Variants in F13A1 observed in about 807,000 individuals in gnomAD.
The protein encoded by F13A1 is FSF, A subunit.
A neutral mutation model predicts 80.1 loss-of-function variants in F13A1; 47 were observed. That is an observed-to-expected ratio of 0.59 (90% CI 0.46 to 0.75). The LOEUF (loss-of-function observed/expected upper bound fraction) is 0.75. F13A1 is among the 30% of genes least tolerant of loss of function. F13A1 has a pLI of 0.00. For synonymous variants in F13A1, 349 were observed against 344.9 expected (o/e 1.01, Z -0.13); for missense variants, 817 against 930.4 (o/e 0.88, Z 1.59).
At chr6:6,166,465 T>C (rs1268150175) in intron 13 of F13A1, among the ~76,000 whole-genome samples, 1 of 152,254 alleles carries the variant, frequency 6.6e-6, no homozygotes, top group Admixed American at 6.5e-5. Context: ...TCTACCACTT[T>C]AGAGCAATGT....
chr6:6,254,464 C>T (rs1757677959), intron 4 of F13A1, among the ~76,000 whole-genome samples: 1 of 152,070 alleles, frequency 6.6e-6, no homozygotes, highest in South Asian at 2.1e-4. Flanking sequence ...GATGCAGGTA[C>T]TGATATAGAA....
At chr6:6,149,064 C>T (rs2151067588) in intron 14 of F13A1, among the ~76,000 whole-genome samples, 1 of 151,306 alleles carries the variant, frequency 6.6e-6, no homozygotes, top group South Asian at 2.1e-4. Context: ...AGGAGGAGAA[C>T]ATGAAGGGGA....
intron 6 of F13A1, among the ~76,000 whole-genome samples, chr6:6,230,698 TGCCACCTCCACCGG>T (rs1228075459): frequency 6.6e-6 from 1 of 152,140 alleles, no homozygotes; most frequent in East Asian, 1.9e-4. Context: ...TTGTACCCCC[TGCCACCTCCACCGG>T]AATAGGCGCT....
At chr6:6,313,179 TATC>T (rs1469756157) in intron 2 of F13A1, among the ~76,000 whole-genome samples, 3 of 152,276 alleles carry the variant, frequency 2.0e-5, no homozygotes, top group Admixed American at 1.3e-4. Flanking sequence ...GAAAAAGTCT[TATC>T]ATCATCCAGA....
At chr6:6,282,404 TATTTA>T (rs1357865011) in intron 3 of F13A1, among the ~76,000 whole-genome samples, 1 of 152,242 alleles carries the variant, frequency 6.6e-6, no homozygotes. Flanking sequence ...TTAAGTAACC[TATTTA>T]ATTAAAAGAG....
chr6:6,178,057 T>C (rs776914324), intron 11 of F13A1, among the ~76,000 whole-genome samples: 1 of 41,122 alleles, frequency 2.4e-5, no homozygotes, highest in Admixed American at 2.4e-4. Context: ...GGGGGGGGGG[T>C]GGGGCTTTTA....
chr6:6,248,732 T>C (rs1186199193), intron 5 of F13A1, among the ~76,000 whole-genome samples: 2 of 152,218 alleles, frequency 1.3e-5, no homozygotes, highest in Non-Finnish European at 2.9e-5. Context: ...GAAGGTCTTT[T>C]CAACATATTG....
intron 6 of F13A1, among the ~76,000 whole-genome samples, chr6:6,239,371 T>C (rs1206588813): frequency 6.6e-6 from 1 of 152,128 alleles, no homozygotes; most frequent in Non-Finnish European, 1.5e-5. Flanking sequence ...TGTGGAAATG[T>C]CTATATTTTG....
intron 3 of F13A1, among the ~76,000 whole-genome samples, chr6:6,296,292 G>T (rs1314817506): frequency 6.6e-6 from 1 of 151,636 alleles, no homozygotes; most frequent in Non-Finnish European, 1.5e-5. Flanking sequence ...GAAAGTCACT[G>T]GTAGCTTGAT....
At chr6:6,153,893 G>C (rs763065497) in intron 13 of F13A1, among the ~76,000 whole-genome samples, 7 of 152,150 alleles carry the variant, frequency 4.6e-5, no homozygotes, top group Non-Finnish European at 1.0e-4. Flanking sequence ...TAAGAAGAAG[G>C]AGGTTTTCTA....
chr6:6,241,440 G>A (rs968014843), intron 6 of F13A1, among the ~76,000 whole-genome samples: 1 of 152,172 alleles, frequency 6.6e-6, no homozygotes, highest in African/African-American at 2.4e-5. Context: ...CCCATTGGCA[G>A]TTATATAAAT....
At chr6:6,316,640 C>T (rs984740306) in intron 2 of F13A1, among the ~76,000 whole-genome samples, 1 of 152,162 alleles carries the variant, frequency 6.6e-6, no homozygotes, top group African/African-American at 2.4e-5. Context: ...GGCTACAGGT[C>T]GTACATATTC....
At chr6:6,215,592 C>T (rs1388861944) in intron 8 of F13A1, among the ~76,000 whole-genome samples, 4 of 149,100 alleles carry the variant, frequency 2.7e-5, no homozygotes, top group African/African-American at 7.5e-5. Context: ...TGGGCCAAAA[C>T]TGGAAGCATT....
chr6:6,262,276 C>T (rs966885238), intron 4 of F13A1, among the ~76,000 whole-genome samples: 6 of 152,170 alleles, frequency 3.9e-5, no homozygotes, highest in Non-Finnish European at 7.3e-5. Flanking sequence ...GTGCTCCAAG[C>T]GTGGTGACCA....
chr6:6,242,737 T>G lies in F13A1; in HGVS notation c.798+5575A>C, dbSNP rs145249759. On this transcript the variant is annotated intron_variant, in intron 6 of 14. Coordinates refer to ENST00000264870, the MANE Select transcript of F13A1 (RefSeq NM_000129.4). ...CTCTACTACATTTTTCTTCAGTGCT[T>G]TTGGTGACTAGCTGTTTGTATATAA... Among the ~76,000 whole-genome samples, 261 of 152,274 alleles carry G rather than the reference T, an allele frequency of 1.7e-3. 1 individual carries two copies. Among genetic ancestry groups the G allele is most frequent in the East Asian group, 0.011 (59 of 5,184 alleles).
intron 6 of F13A1, among the ~76,000 whole-genome samples, chr6:6,241,202 A>T (rs2113088273): frequency 6.6e-6 from 1 of 152,270 alleles, no homozygotes; most frequent in South Asian, 2.1e-4. Context: ...CTGGATGGAG[A>T]CTCAAGTCCA....
At chr6:6,172,872 T>C (rs901891442) in intron 12 of F13A1, among the ~76,000 whole-genome samples, 5 of 152,184 alleles carry the variant, frequency 3.3e-5, no homozygotes, top group Non-Finnish European at 5.9e-5. Context: ...TCTGGGAATA[T>C]TTTCCAAAAC....
intron 13 of F13A1, among the ~76,000 whole-genome samples, chr6:6,165,431 G>T (rs1380840542): frequency 6.6e-6 from 1 of 152,130 alleles, no homozygotes; most frequent in Non-Finnish European, 1.5e-5. Context: ...ATTATCAGTG[G>T]TGCAATTAAA....
chr6:6,148,038 A>G (rs1331821959), intron 14 of F13A1, among the ~76,000 whole-genome samples: 2 of 152,346 alleles, frequency 1.3e-5, no homozygotes, highest in African/African-American at 4.8e-5. Context: ...CTGTGCTTCT[A>G]GACCTTAGCT....
Sources: allele counts gnomAD v4.1 joint callset (sites outside exome capture counted in the v4.1 genomes callset), GRCh38; gene constraint gnomAD v4.1.1; transcripts MANE v1.5; gene names NCBI Gene and HGNC (gene_info 2026-07-23, HGNC 2026-07-21).